DIP2A: variants seen among roughly 807,000 people sequenced by gnomAD.
The protein encoded by DIP2A is disco-interacting protein 2 homolog A.
In DIP2A, 85 loss-of-function variants were observed where a neutral mutation model predicts 177.4. That is an observed-to-expected ratio of 0.48 (90% CI 0.40 to 0.57). The LOEUF (loss-of-function observed/expected upper bound fraction) is 0.57. DIP2A is among the 20% of genes least tolerant of loss of function. DIP2A has a pLI of 0.00. For missense variants in DIP2A, 1,791 were observed against 2,100.2 expected, an observed-to-expected ratio of 0.85 and a Z score of 2.88; for synonymous variants, 886 against 881.8, an observed-to-expected ratio of 1.00 and a Z score of -0.08.
intron 1 of DIP2A, among the ~76,000 whole-genome samples, chr21:46,470,319 A>G (rs1205562259): frequency 1.3e-5 from 2 of 152,210 alleles, no homozygotes; most frequent in African/African-American, 4.8e-5. Context: ...TACTAAAAAT[A>G]CAATATTAGC....
intron 27 of DIP2A, 36 bp from the exon 28 acceptor site, chr21:46,554,786 G>GCCCCCCCCCCCCCCCCCCC: frequency 6.6e-7 from 1 of 1,519,126 alleles, no homozygotes; most frequent in Non-Finnish European, 8.8e-7. Flanking sequence ...AGCTTGAGAG[G>GCCCCCCCCCCCCCCCCCCC]CCCCGCCCAC....
At chr21:46,499,784 A>T (rs1045030297) in intron 5 of DIP2A, among the ~76,000 whole-genome samples, 9 of 152,222 alleles carry the variant, frequency 5.9e-5, no homozygotes, top group Non-Finnish European at 1.3e-4. Flanking sequence ...TTGAAGACTC[A>T]TCTTAATCCC....
At chr21:46,573,412 C>T (rs942007246), downstream of DIP2A, among the ~76,000 whole-genome samples, 10 of 151,684 alleles carry the variant, frequency 6.6e-5, no homozygotes, top group African/African-American at 1.9e-4. Context: ...GTAATCCCAG[C>T]GCTTTGGGAG....
chr21:46,545,943 G>C lies in DIP2A; in HGVS notation c.2376G>C (p.Leu792=), dbSNP rs2060014386. Reference sequence around the variant, plus strand: ...ACAGGCCATTCACCAGGACAGGCCTGCTGGGCTTCATCGGGCCTGTGAGTA... The same window carrying C: ...ACAGGCCATTCACCAGGACAGGCCTCCTGGGCTTCATCGGGCCTGTGAGTA... ...IFDRPFTRTG[L]LGFIGPDNLV... The change falls in exon 20 of 38, where the codon CTG becomes CTC. Residue 792 remains leucine (L), a synonymous_variant. Coordinates refer to ENST00000417564, the MANE Select transcript of DIP2A (RefSeq NM_015151.4). The C allele has an allele frequency of 6.2e-7, 1 of 1,613,902 alleles. No homozygotes were observed. Among genetic ancestry groups the C allele is most frequent in the African/African-American group, 1.3e-5 (1 of 74,962 alleles).
intron 24 of DIP2A, 35 bp from the exon 25 acceptor site, chr21:46,551,789 G>C: frequency 6.2e-7 from 1 of 1,612,960 alleles, no homozygotes; most frequent in Non-Finnish European, 8.5e-7. Flanking sequence ...TCTGTGCCCC[G>C]GAGGCGCCAG....
At position 46,561,573 on chromosome 21, in the gene DIP2A, G is replaced by A. The variant is rs773343942; in HGVS notation, c.4032-175G>A. ...CATGCGGGTGGCGGCACTTGGGACCGCAGCGTGGTTGGGGTGTCCCTGCCA... is the reference window on the plus strand; with the variant it reads ...CATGCGGGTGGCGGCACTTGGGACCACAGCGTGGTTGGGGTGTCCCTGCCA... On this transcript the variant is annotated intron_variant, in intron 33 of 37. Coordinates refer to ENST00000417564, the MANE Select transcript of DIP2A (RefSeq NM_015151.4). 3.6e-4 allele frequency: 294 copies of A among 827,482 alleles called. 1 individual carries two copies. Among genetic ancestry groups the A allele is most frequent in the Non-Finnish European group, 4.7e-4 (235 of 498,562 alleles). The allele number at this position is 827,482 out of a possible 1,614,324, so 51.3% of individuals were successfully genotyped here.
chr21:46,512,328 T>C lies in DIP2A; in HGVS notation c.1102+714T>C, dbSNP rs146494332. 3.3e-3 allele frequency among the ~76,000 whole-genome samples: 509 copies of C among 152,334 alleles called. 3 individuals carry two copies. The highest frequency in any genetic ancestry group is 3.1e-3 in the Non-Finnish European group (208 of 68,030). ...TGTAGGCATTTGTGCTAGGTATAAATGCAGAAGCAGAATTGTTCAGCATTA... is the reference window on the plus strand; with the variant it reads ...TGTAGGCATTTGTGCTAGGTATAAACGCAGAAGCAGAATTGTTCAGCATTA... On this transcript the variant is annotated intron_variant, in intron 8 of 37. Transcript: ENST00000417564.
chr21:46,506,126 T>A (rs558467946), intron 6 of DIP2A, among the ~76,000 whole-genome samples: 10 of 149,544 alleles, frequency 6.7e-5, no homozygotes, highest in African/African-American at 2.5e-4. Flanking sequence ...GTATTTCACC[T>A]TTTTTTTTGG....
intron 35 of DIP2A, among the ~76,000 whole-genome samples, chr21:46,564,468 A>G (rs552939727): frequency 1.3e-5 from 2 of 152,292 alleles, no homozygotes; most frequent in Non-Finnish European, 1.5e-5. Context: ...GTCTACATGT[A>G]TTGCACGTAC....
chr21:46,514,061 C>G lies in DIP2A; in HGVS notation c.1102+2447C>G, dbSNP rs78622861. 3.1e-3 allele frequency among the ~76,000 whole-genome samples: 467 copies of G among 152,212 alleles called. 22 individuals are homozygous for G. In the East Asian group the frequency reaches 0.074, roughly 24 times the overall value. On this transcript the variant is annotated intron_variant, in intron 8 of 37. Transcript: ENST00000417564. ...CCTTTTATTAGATTTATTCCTGTTA[C>G]AAGTGCTGTAATTTGTAATTTTCTC...
intron 2 of DIP2A, among the ~76,000 whole-genome samples, chr21:46,486,131 T>TGTCCA (rs2056681314): frequency 6.7e-6 from 1 of 149,690 alleles, no homozygotes; most frequent in African/African-American, 2.5e-5. Flanking sequence ...CGAGCAGTGC[T>TGTCCA]GTCCAGTAGA....
chr21:46,555,162 G>A lies in DIP2A; in HGVS notation c.3388+229G>A, dbSNP rs570354912. ...GCAGCCGCACCCAGTCCCAAGTGGT[G>A]TGGAGCACAGCCTTGCCCCTCTCAC... On this transcript the variant is annotated intron_variant, in intron 28 of 37. Transcript: ENST00000417564. Among the ~76,000 whole-genome samples, 6 of 152,340 alleles carry A rather than the reference G, an allele frequency of 3.9e-5. No individual in the cohort carries two copies. In the East Asian group the frequency reaches 1.2e-3, roughly 29 times the overall value.
At chr21:46,546,869 C>G in intron 20 of DIP2A, 46 bp from the exon 21 acceptor site, 1 of 1,606,134 alleles carries the variant, frequency 6.2e-7, no homozygotes, top group South Asian at 1.1e-5. Flanking sequence ...GCGCATCCAG[C>G]TTCTGCCCGT....
chr21:46,519,787 G>C (rs979360851), intron 8 of DIP2A, among the ~76,000 whole-genome samples: 2 of 145,194 alleles, frequency 1.4e-5, no homozygotes, highest in Non-Finnish European at 3.0e-5. Flanking sequence ...CTGGGTAACT[G>C]TTGGAACTAA....
intron 8 of DIP2A, among the ~76,000 whole-genome samples, chr21:46,518,773 C>T (rs2058694904): frequency 6.6e-6 from 1 of 152,244 alleles, no homozygotes; most frequent in African/African-American, 2.4e-5. Context: ...ATGAGAATTG[C>T]TTGAACCCAG....
rs759488141 is a variant in DIP2A at position 46,498,644 on chromosome 21, C to A, written c.466C>A (p.Pro156Thr). The change falls in exon 5 of 38, where the codon CCG becomes ACG. Residue 156 changes from proline (P) to threonine (T), a missense_variant. Transcript: ENST00000417564. This position sits in a 1 kb window ranked among gnomAD's most constrained non-coding sequence, Gnocchi z 4.3. ...LRRPGRLTSTPLQSHSSVEPW... is the reference protein window; with the variant it reads ...LRRPGRLTSTTLQSHSSVEPW... ...GCGACCCGGGCGACTCACCTCCACT[C>A]CGCTCCAGAGCCATTCCAGCGTCGA... The A allele has an allele frequency of 2.4e-5, 38 of 1,613,622 alleles. No individual in the cohort carries two copies. The highest frequency in any genetic ancestry group is 5.5e-5 in the South Asian group (5 of 91,090).
Position 46,541,839 on chromosome 21 carries a change from C to T in DIP2A, c.2120C>T (p.Thr707Ile), listed in dbSNP as rs568624616. The change falls in exon 18 of 38, where the codon ACT becomes ATT. Residue 707 changes from threonine to isoleucine, a missense_variant. By Grantham distance (89) the Thr-to-Ile change is moderately conservative. Transcript: ENST00000417564. Reference protein sequence around the residue: ...GLSYGVIRVDTEEKLSVLTVQ... With the variant: ...GLSYGVIRVDIEEKLSVLTVQ... ...AGTTATGGTGTTATCAGAGTGGATACTGAAGAAAAGTTGTCAGTCCTTACT... is the reference window on the plus strand; with the variant it reads ...AGTTATGGTGTTATCAGAGTGGATATTGAAGAAAAGTTGTCAGTCCTTACT... 6 of 1,613,816 alleles carry T rather than the reference C, an allele frequency of 3.7e-6. No individual in the cohort carries two copies. In the South Asian group the frequency reaches 5.5e-5, roughly 15 times the overall value.
chr21:46,546,229 G>C, intron 20 of DIP2A: 1 of 1,279,662 alleles, frequency 7.8e-7, no homozygotes, highest in Non-Finnish European at 9.9e-7. Flanking sequence ...GGAGTGGCAG[G>C]TTTGTGAGTA....
intron 21 of DIP2A, among the ~76,000 whole-genome samples, chr21:46,547,659 T>C (rs2060111208): frequency 8.0e-6 from 1 of 124,348 alleles, no homozygotes; most frequent in African/African-American, 3.1e-5. Context: ...GGGGTGCCTT[T>C]TTTTTTTTTT....
Sources: allele counts gnomAD v4.1 joint callset (sites outside exome capture counted in the v4.1 genomes callset), GRCh38; gene constraint gnomAD v4.1.1; non-coding constraint Gnocchi (gnomAD v3.1); transcripts MANE v1.5; gene names NCBI Gene and HGNC (gene_info 2026-07-23, HGNC 2026-07-21).